The following HPGDS variants were observed in gnomAD, a reference collection of about 807,000 sequenced individuals.
HPGDS encodes GST class-sigma.
Under a neutral mutation model 23.1 loss-of-function variants are expected in HPGDS, and 26 were observed. The observed-to-expected ratio is 1.13, with a 90% CI of 0.83 to 1.56. The LOEUF (loss-of-function observed/expected upper bound fraction) is 1.56. Ranked by LOEUF, HPGDS falls within the 40% of genes most tolerant of loss-of-function variation. The pLI, the probability that HPGDS is intolerant of heterozygous loss-of-function variation, is 0.00. For synonymous variants in HPGDS, 95 were observed against 77.9 expected (o/e 1.22, Z -1.16); for missense variants, 268 against 236.4 (o/e 1.13, Z -0.88).
intron 3 of HPGDS, among the ~76,000 whole-genome samples, chr4:94,314,066 C>A (rs1308448654): frequency 1.3e-5 from 2 of 152,120 alleles, no homozygotes; most frequent in Admixed American, 6.5e-5. Context: ...TTTTTAAACT[C>A]CTTTGCCATG....
chr4:94,315,597 C>A (rs1756380818), intron 3 of HPGDS, among the ~76,000 whole-genome samples: 1 of 151,842 alleles, frequency 6.6e-6, no homozygotes, highest in Non-Finnish European at 1.5e-5. Context: ...TAGAAGCTTT[C>A]TAAAATGGAT....
intron 2 of HPGDS, among the ~76,000 whole-genome samples, chr4:94,322,942 C>T (rs1281615389): frequency 6.6e-6 from 1 of 152,186 alleles, no homozygotes; most frequent in East Asian, 1.9e-4. Context: ...AAATGTATCC[C>T]AGAGATTCTG....
intron 5 of HPGDS, among the ~76,000 whole-genome samples, chr4:94,300,459 A>G (rs1229602139): frequency 6.6e-6 from 1 of 151,942 alleles, no homozygotes; most frequent in Non-Finnish European, 1.5e-5. Context: ...AATGTGGCCC[A>G]CTCTTTTTTC....
intron 1 of HPGDS, among the ~76,000 whole-genome samples, chr4:94,340,402 G>C (rs1179315550): frequency 1.7e-5 from 2 of 118,596 alleles, no homozygotes; most frequent in African/African-American, 3.2e-5. Flanking sequence ...GCAGTGGCGT[G>C]ATCTCCACTC....
chr4:94,316,423 T>C (rs1362958435), intron 3 of HPGDS, among the ~76,000 whole-genome samples: 3 of 90,554 alleles, frequency 3.3e-5, no homozygotes, highest in African/African-American at 1.5e-4. Context: ...CTTTGCCATC[T>C]GGACCATTTC....
intron 3 of HPGDS, among the ~76,000 whole-genome samples, chr4:94,313,636 G>T (rs1317099639): frequency 2.0e-5 from 3 of 152,132 alleles, no homozygotes; most frequent in Non-Finnish European, 2.9e-5. Flanking sequence ...TCTTCTCGAG[G>T]AGTATCTTTG....
intron 2 of HPGDS, among the ~76,000 whole-genome samples, chr4:94,324,675 G>GT (rs201827031): frequency 0.025 from 3,770 of 152,100 alleles, 105 homozygotes; most frequent in African/African-American, 0.075. Context: ...TTTTTTCAAG[G>GT]TTTCAGCTTC....
chr4:94,340,311 C>CTTTCTTTTTTTTTTTTTTTT, intron 1 of HPGDS, among the ~76,000 whole-genome samples: 1 of 23,678 alleles, frequency 4.2e-5, no homozygotes, highest in Non-Finnish European at 8.7e-5. Context: ...CTTTCTTTCT[C>CTTTCTTTTTTTTTTTTTTTT]TTTTTTTTTT....
rs139058568 is a variant in HPGDS, at chr4:94,310,813, G to C, written c.227-2070C>G. On this transcript the variant is annotated intron_variant, in intron 3 of 5. Transcript: ENST00000295256. ...TGTTTGTATCCTCTTTTATTTTGTT[G>C]AGCAGTGTTTTGTAATTCTCCTTAA... is the stretch of plus-strand genomic sequence containing the variant. Among the ~76,000 whole-genome samples, 40 of 152,146 alleles carry C rather than the reference G, an allele frequency of 2.6e-4. No individual in the cohort carries two copies. In the East Asian group the frequency reaches 6.8e-3, roughly 26 times the overall value.
chr4:94,314,278 C>A (rs904883729), intron 3 of HPGDS, among the ~76,000 whole-genome samples: 1 of 152,046 alleles, frequency 6.6e-6, no homozygotes, highest in Non-Finnish European at 1.5e-5. Context: ...TTTTATCTAC[C>A]TTTAGTCTTT....
intron 2 of HPGDS, among the ~76,000 whole-genome samples, chr4:94,333,093 G>C (rs990838667): frequency 2.6e-5 from 4 of 152,170 alleles, no homozygotes; most frequent in African/African-American, 7.2e-5. Flanking sequence ...GTTGACTGGA[G>C]ATTTTCTAGG....
chr4:94,317,713 A>G (rs1472557514), intron 3 of HPGDS, among the ~76,000 whole-genome samples, 160 bp downstream of exon 3: 1 of 152,248 alleles, frequency 6.6e-6, no homozygotes, highest in Non-Finnish European at 1.5e-5. Flanking sequence ...ACTCATGGAA[A>G]GTTAAACTGA....
chr4:94,337,290 G>T (rs961023812), intron 1 of HPGDS, among the ~76,000 whole-genome samples: 1 of 151,812 alleles, frequency 6.6e-6, no homozygotes, highest in Non-Finnish European at 1.5e-5. Flanking sequence ...TATTTGAAAA[G>T]CATTCTATAT....
chr4:94,310,337 C>T (rs1756238788), intron 3 of HPGDS, among the ~76,000 whole-genome samples: 1 of 152,172 alleles, frequency 6.6e-6, no homozygotes, highest in Non-Finnish European at 1.5e-5. Flanking sequence ...CCAGTTTCAG[C>T]TTTCTCCATA....
intron 3 of HPGDS, among the ~76,000 whole-genome samples, chr4:94,317,012 C>T (rs1225910275): frequency 6.6e-6 from 1 of 152,146 alleles, no homozygotes; most frequent in African/African-American, 2.4e-5. Context: ...TTTGTTGAAA[C>T]ATGTTAGTGT....
intron 2 of HPGDS, among the ~76,000 whole-genome samples, chr4:94,327,037 G>A (rs1049221391): frequency 6.6e-6 from 1 of 152,108 alleles, no homozygotes; most frequent in Non-Finnish European, 1.5e-5. Flanking sequence ...AGGCTGTGGT[G>A]AGTCTTTGCT....
chr4:94,309,196 G>A lies in HPGDS; in HGVS notation c.227-453C>T, dbSNP rs1407607097. On this transcript the variant is annotated intron_variant, in intron 3 of 5. Transcript: ENST00000295256. Reference sequence around the variant, plus strand: ...TCAGGTTTGTTACATATGTATACATGTGCCATGTTGGTGTGCTGCACCCAT... The same window carrying A: ...TCAGGTTTGTTACATATGTATACATATGCCATGTTGGTGTGCTGCACCCAT... 1.5e-4 allele frequency among the ~76,000 whole-genome samples: 22 copies of A among 150,866 alleles called. No homozygotes were observed. In the Admixed American group the frequency reaches 1.5e-3, roughly 10 times the overall value.
chr4:94,341,502 A>C (rs181241982), intron 1 of HPGDS, among the ~76,000 whole-genome samples: 1 of 152,302 alleles, frequency 6.6e-6, no homozygotes, highest in East Asian at 1.9e-4. Context: ...GAACTTTTGG[A>C]ATAATTTTGT....
chr4:94,310,189 A>T (rs185620989), intron 3 of HPGDS, among the ~76,000 whole-genome samples: 127 of 152,268 alleles, frequency 8.3e-4, no homozygotes, highest in Non-Finnish European at 1.3e-3. Flanking sequence ...GGTGTTTTAG[A>T]CATGAAGTCC....
Sources: gnomAD v4.1 joint callset for allele counts (sites outside exome capture counted in the v4.1 genomes callset) on GRCh38, gnomAD v4.1.1 for gene constraint, MANE v1.5 for transcripts, NCBI Gene and HGNC (gene_info 2026-07-23, HGNC 2026-07-21) for gene names.